The following KCTD5 variants were observed in gnomAD, a reference collection of about 807,000 sequenced individuals.
KCTD5 encodes the protein potassium channel tetramerization domain containing 5.
A neutral mutation model predicts 27.9 loss-of-function variants in KCTD5; 12 were observed. The observed-to-expected ratio is 0.43, with a 90% CI of 0.28 to 0.70. The LOEUF is 0.70. Among genes scored for constraint, KCTD5 ranks in the 30% least tolerant of loss-of-function variants. The pLI is 0.19. For synonymous variants in KCTD5, 147 were observed against 121.4 expected (o/e 1.21, Z -1.39); for missense variants, 226 against 274.8 (o/e 0.82, Z 1.26).
intron 1 of KCTD5, among the ~76,000 whole-genome samples, chr16:2,692,109 C>A (rs2067569367): frequency 6.6e-6 from 1 of 152,192 alleles, no homozygotes; most frequent in African/African-American, 2.4e-5. Flanking sequence ...TCTCTTCAGG[C>A]ACCCTGGAAA....
rs1019655485 is a variant in KCTD5, at chr16:2,707,863, G to T, written c.*536G>T. ...TCCTGACAAAGGCGGCTTCTGCGTC[G>T]TCACTGCTTCCCGGCGCCATTCCGA... is the stretch of plus-strand genomic sequence containing the variant. On this transcript the variant is annotated 3_prime_UTR_variant, in exon 6 of 6. Transcript: ENST00000301738. The T allele has an allele frequency of 5.4e-6, 1 of 185,040 alleles. No homozygotes were observed. Among genetic ancestry groups the T allele is most frequent in the African/African-American group, 2.3e-5 (1 of 42,666 alleles). The allele number at this position is 185,040 out of a possible 1,614,324, so 11.5% of individuals were successfully genotyped here.
rs576103924 is a variant in KCTD5 at position 2,687,256 on chromosome 16, C to T, written c.252+4456C>T. Among the ~76,000 whole-genome samples the T allele has an allele frequency of 3.3e-5, 5 of 152,328 alleles. No homozygotes were observed. The South Asian group carries it at 1.0e-3, about 32-fold the overall frequency. Reference sequence around the variant, plus strand: ...TGAAATGGAACGTTTCTGATGGGTTCAGTCCTACCTAGGAAGAATGAAAGA... The same window carrying T: ...TGAAATGGAACGTTTCTGATGGGTTTAGTCCTACCTAGGAAGAATGAAAGA... On this transcript the variant is annotated intron_variant, in intron 1 of 5. Transcript: ENST00000301738.
At chr16:2,699,952 T>A (rs772072606) in intron 4 of KCTD5, 36 bp downstream of exon 4, 4 of 1,583,886 alleles carry the variant, frequency 2.5e-6, no homozygotes, top group Non-Finnish European at 2.6e-6. Flanking sequence ...GCAGCCATGC[T>A]GCAGCTGAAC....
chr16:2,708,921 T>C lies in KCTD5; in HGVS notation c.*1594T>C, dbSNP rs912472381. ...AGACTTAATTCACTAAAATTTATTC[T>C]AAGGGGATATTTATACTTTTATACT... On this transcript the variant is annotated 3_prime_UTR_variant, in exon 6 of 6. Coordinates refer to ENST00000301738, the MANE Select transcript of KCTD5 (RefSeq NM_018992.4). 2 of 152,260 alleles carry C rather than the reference T, an allele frequency of 1.3e-5. No individual in the cohort carries two copies. Among genetic ancestry groups the C allele is most frequent in the African/African-American group, 4.8e-5 (2 of 41,464 alleles). 9.4% of individuals were successfully genotyped at this position (152,260 alleles called of 1,614,324 possible). A position where few individuals can be genotyped will look rare whatever the true frequency, so the allele number is the denominator to read the frequency against.
chr16:2,708,649 A>C lies in KCTD5; in HGVS notation c.*1322A>C, dbSNP rs556983339. On this transcript the variant is annotated 3_prime_UTR_variant, in exon 6 of 6. Transcript: ENST00000301738. ...TCTTTGCCAGTCACCTGATTAACCA[A>C]TTCTCCAGCATTAGGACTTACCTCC... 1 of 152,334 alleles carries C rather than the reference A, an allele frequency of 6.6e-6. No individual in the cohort carries two copies. Among genetic ancestry groups the C allele is most frequent in the South Asian group, 2.1e-4 (1 of 4,824 alleles). 9.4% of individuals were successfully genotyped at this position (152,334 alleles called of 1,614,324 possible). A position where few individuals can be genotyped will look rare whatever the true frequency, so the allele number is the denominator to read the frequency against.
chr16:2,704,618 C>T (rs1372146901), intron 5 of KCTD5, among the ~76,000 whole-genome samples: 2 of 152,232 alleles, frequency 1.3e-5, no homozygotes, highest in African/African-American at 4.8e-5. Context: ...GGCACCTGGG[C>T]AGAGGCCGGG....
At chr16:2,687,856 ATC>A (rs2067547257) in intron 1 of KCTD5, among the ~76,000 whole-genome samples, 3 of 152,052 alleles carry the variant, frequency 2.0e-5, no homozygotes, top group South Asian at 4.1e-4. Context: ...CCAGCAAGCC[ATC>A]TCTCTCCCAG....
chr16:2,707,241 TG>T (rs2067640853), intron 5 of KCTD5, 56 bp from the exon 6 acceptor site: 1 of 1,564,924 alleles, frequency 6.4e-7, no homozygotes, highest in Non-Finnish European at 8.8e-7. Context: ...AGCAGGCGCC[TG>T]GTCAGGGACA....
chr16:2,688,089 C>T (rs571849017), intron 1 of KCTD5, among the ~76,000 whole-genome samples: 245 of 151,908 alleles, frequency 1.6e-3, no homozygotes, highest in Middle Eastern at 3.4e-3. Flanking sequence ...TTTACTGTGA[C>T]GTCCTCTCCT....
At chr16:2,701,624 T>A (rs2067612533) in intron 4 of KCTD5, among the ~76,000 whole-genome samples, 1 of 151,652 alleles carries the variant, frequency 6.6e-6, no homozygotes, top group Non-Finnish European at 1.5e-5. Context: ...TCCCGGCCGT[T>A]GGTCCAACTG....
intron 5 of KCTD5, among the ~76,000 whole-genome samples, chr16:2,706,010 C>G (rs1490336208): frequency 6.6e-6 from 1 of 152,118 alleles, no homozygotes; most frequent in Non-Finnish European, 1.5e-5. Context: ...GCACTGTCTC[C>G]CCAAGTCAAC....
chr16:2,702,527 C>T lies in KCTD5; in HGVS notation c.675+49C>T, dbSNP rs745830428. 4.4e-5 allele frequency: 70 copies of T among 1,594,572 alleles called. No homozygotes were observed. The Admixed American group carries it at 1.2e-3, about 27-fold the overall frequency. On this transcript the variant is annotated intron_variant, in intron 5 of 5. Transcript: ENST00000301738. Reference sequence around the variant, plus strand: ...CTGGGGCAGTCTTGGGTGGGGAAGGCTCTTGCCCTCTCAGACCTTCCTCCT... The same window carrying T: ...CTGGGGCAGTCTTGGGTGGGGAAGGTTCTTGCCCTCTCAGACCTTCCTCCT...
At chr16:2,702,262 G>A (rs1439635159) in intron 4 of KCTD5, 91 bp from the exon 5 acceptor site, 9 of 1,522,224 alleles carry the variant, frequency 5.9e-6, no homozygotes, top group African/African-American at 1.4e-5. Flanking sequence ...TGGCTTTCGC[G>A]GTGGCAGGCG....
chr16:2,701,982 C>T (rs1480030358), intron 4 of KCTD5, among the ~76,000 whole-genome samples: 2 of 152,196 alleles, frequency 1.3e-5, no homozygotes, highest in Non-Finnish European at 2.9e-5. Context: ...GTCCCAGGCT[C>T]TTCCCTCCAG....
chr16:2,699,160 C>T (rs778191406), intron 3 of KCTD5: 11 of 456,000 alleles, frequency 2.4e-5, no homozygotes, highest in South Asian at 9.3e-5. Context: ...CGTCCAGCCC[C>T]GTCTGCAGCC....
intron 3 of KCTD5, among the ~76,000 whole-genome samples, chr16:2,699,524 G>A (rs2067602097): frequency 6.6e-6 from 1 of 152,228 alleles, no homozygotes; most frequent in Admixed American, 6.5e-5. Context: ...AGACGTGGAC[G>A]CTCTCGTGTC....
rs1309044554 is a variant in KCTD5 at position 2,707,562 on chromosome 16, G to T, written c.*235G>T. On this transcript the variant is annotated 3_prime_UTR_variant, in exon 6 of 6. Transcript: ENST00000301738. ...GCGGCCGGGTGGGCGCTGCCTCTTG[G>T]GGGGGCCTCGCTCTGTTTTTTCCAA... 12 of 633,332 alleles carry T rather than the reference G, an allele frequency of 1.9e-5. No homozygotes were observed. Among genetic ancestry groups the T allele is most frequent in the Non-Finnish European group, 2.8e-5 (10 of 352,742 alleles). 39.2% of individuals were successfully genotyped at this position (633,332 alleles called of 1,614,324 possible).
In KCTD5 at chr16:2,707,529, G is replaced by A. The variant is rs974583832; in HGVS notation, c.*202G>A. The A allele has an allele frequency of 7.3e-6, 5 of 682,892 alleles. No homozygotes were observed. The Admixed American group carries it at 1.1e-4, about 15-fold the overall frequency. 42.3% of individuals were successfully genotyped at this position (682,892 alleles called of 1,614,324 possible). ...CAAGGCCAGACGTCCCCAAGTTGGG[G>A]GAGCACGGCGGCCGGGTGGGCGCTG... On this transcript the variant is annotated 3_prime_UTR_variant, in exon 6 of 6. Coordinates refer to ENST00000301738, the MANE Select transcript of KCTD5 (RefSeq NM_018992.4).
At chr16:2,697,715 A>G (rs1596223782) in intron 2 of KCTD5, among the ~76,000 whole-genome samples, 191 bp from the exon 3 acceptor site, 2 of 152,286 alleles carry the variant, frequency 1.3e-5, no homozygotes, top group East Asian at 3.9e-4. Flanking sequence ...CCCTCCGCCC[A>G]TTATCCCAGG....
Sources: gnomAD v4.1 joint callset for allele counts (sites outside exome capture counted in the v4.1 genomes callset) on GRCh38, gnomAD v4.1.1 for gene constraint, MANE v1.5 for transcripts, NCBI Gene and HGNC (gene_info 2026-07-23, HGNC 2026-07-21) for gene names.